The following PEX1 variants were observed in gnomAD, a reference collection of about 807,000 sequenced individuals.
PEX1 encodes peroxisomal biogenesis factor 1, also known as peroxisomal ATPase PEX1.
Under a neutral mutation model 152.5 loss-of-function variants are expected in PEX1, and 97 were observed. The ratio of observed to expected loss-of-function variants is 0.64; its 90% CI spans 0.54 to 0.75. The LOEUF (loss-of-function observed/expected upper bound fraction) is 0.75. PEX1 is among the 30% of genes least tolerant of loss of function. The probability of loss-of-function intolerance (pLI) is 0.00; values close to 1 mark genes in which losing one functional copy is unlikely to be tolerated. For synonymous variants in PEX1, 485 were observed against 531.6 expected, an observed-to-expected ratio of 0.91 and a Z score of 1.21; for missense variants, 1,357 against 1,516.3, an observed-to-expected ratio of 0.89 and a Z score of 1.74.
chr7:92,490,197 GTTTC>G (rs1791217779), intron 21 of PEX1: 1 of 389,566 alleles, frequency 2.6e-6, no homozygotes, highest in Non-Finnish European at 4.6e-6. Flanking sequence ...CCAAGGACAG[GTTTC>G]TTCATTTTCA....
chr7:92,493,775 T>C (rs1006489967), intron 19 of PEX1: 3 of 153,924 alleles, frequency 1.9e-5, no homozygotes, highest in African/African-American at 7.2e-5. Flanking sequence ...AAATAATAGC[T>C]ACATGTAACA....
At chr7:92,512,773 A>G (rs753752701) in intron 6 of PEX1, among the ~76,000 whole-genome samples, 2 of 152,080 alleles carry the variant, frequency 1.3e-5, no homozygotes, top group Non-Finnish European at 2.9e-5. Flanking sequence ...AACAGGCGTG[A>G]GCTACCACGC....
intron 1 of PEX1, among the ~76,000 whole-genome samples, chr7:92,526,116 A>G (rs1038961665): frequency 2.0e-5 from 3 of 152,210 alleles, no homozygotes; most frequent in Admixed American, 6.5e-5. Flanking sequence ...CAGTTTCCTT[A>G]CATGTAAAAG....
chr7:92,527,648 C>T (rs1222377606), intron 1 of PEX1, among the ~76,000 whole-genome samples: 1 of 152,218 alleles, frequency 6.6e-6, no homozygotes, highest in African/African-American at 2.4e-5. Context: ...CTCGTGAGAC[C>T]ATGTGCCTCT....
rs113516104 is a variant in PEX1, at chr7:92,512,120, C to T, written c.1360-417G>A. ...CAGTCTCCACTCACTGCAACCTCTG[C>T]CTCCCGGGTTCAAGCGATTCGCTTG... is the stretch of plus-strand genomic sequence containing the variant. On this transcript the variant is annotated intron_variant, in intron 6 of 23. Coordinates refer to ENST00000248633, the MANE Select transcript of PEX1 (RefSeq NM_000466.3). Among the ~76,000 whole-genome samples the T allele has an allele frequency of 1.3e-4, 19 of 151,626 alleles. 1 individual carries two copies. The highest frequency in any genetic ancestry group is 4.4e-4 in the African/African-American group (18 of 41,318).
chr7:92,500,589 T>G (rs1355713488), intron 15 of PEX1, among the ~76,000 whole-genome samples: 1 of 152,182 alleles, frequency 6.6e-6, no homozygotes, highest in Non-Finnish European at 1.5e-5. Flanking sequence ...CATACCCATG[T>G]TCTCTCACAC....
rs554862469 is a variant in PEX1, at chr7:92,497,930, C to T, written c.2719-1153G>A. On this transcript the variant is annotated intron_variant, in intron 16 of 23. Transcript: ENST00000248633. ...TAAAAATACAAAAATTCACCGGGTG[C>T]GGTGGCAGGCGCCTGTAATCCCAGC... Among the ~76,000 whole-genome samples the T allele has an allele frequency of 2.1e-3, 314 of 150,790 alleles. 1 individual carries two copies. Among genetic ancestry groups the T allele is most frequent in the African/African-American group, 7.4e-3 (303 of 41,088 alleles).
chr7:92,517,727 G>GAAACAAA lies in PEX1; in HGVS notation c.787_788insTTTGTTT (p.Thr263IlefsTer9). ...ATTGATTTCAGTTAAACCCCAAGAT[G>GAAACAAA]TCTCTTGTTTCTTCTCAGATTGAAA... On this transcript the variant is annotated frameshift_variant, in exon 5 of 24. Coordinates refer to ENST00000248633, the MANE Select transcript of PEX1 (RefSeq NM_000466.3). LOFTEE classifies it high-confidence loss of function. 1 of 1,611,122 alleles carries GAAACAAA rather than the reference G, an allele frequency of 6.2e-7. No homozygotes were observed. The highest frequency in any genetic ancestry group is 8.5e-7 in the Non-Finnish European group (1 of 1,178,086).
intron 8 of PEX1, among the ~76,000 whole-genome samples, chr7:92,510,677 G>A (rs528550602): frequency 1.3e-5 from 2 of 152,154 alleles, no homozygotes; most frequent in South Asian, 4.1e-4. Flanking sequence ...TTTAAATCAT[G>A]ATCCATTTAC....
At position 92,511,052 on chromosome 7, in the gene PEX1, TAAAAAG is replaced by T. The variant is rs766638581; in HGVS notation, c.1484-11_1484-6del. ...TCAGAGAAAATTCCTTCAGTCCTATTAAAAAGAAAGTAATAAATGCAGAGTTAGTAC... is the reference window on the plus strand; with the variant it reads ...TCAGAGAAAATTCCTTCAGTCCTATTAAAGTAATAAATGCAGAGTTAGTAC... On this transcript the variant is annotated splice_polypyrimidine_tract_variant and splice_region_variant and intron_variant, in intron 7 of 23. Transcript: ENST00000248633. 3 of 1,309,108 alleles carry T rather than the reference TAAAAAG, an allele frequency of 2.3e-6. No individual in the cohort carries two copies. In the East Asian group the frequency reaches 6.9e-5, roughly 30 times the overall value. The allele number at this position is 1,309,108 out of a possible 1,614,324, so 81.1% of individuals were successfully genotyped here.
chr7:92,494,142 T>A, intron 19 of PEX1, 151 bp downstream of exon 19: 1 of 684,714 alleles, frequency 1.5e-6, no homozygotes, highest in East Asian at 2.8e-5. Flanking sequence ...TAATTCAGAA[T>A]CTTTTTATGC....
chr7:92,517,821 C>T lies in PEX1; in HGVS notation c.694G>A (p.Glu232Lys), dbSNP rs747185889. The change falls in exon 5 of 24, where the codon GAG (glutamate) becomes AAG (lysine). Residue 232 changes from glutamate (E) to lysine (K), a missense_variant. Coordinates refer to ENST00000248633, the MANE Select transcript of PEX1 (RefSeq NM_000466.3). ...GATGAGTCAACTGGAATCTCTGACT[C>T]GTTTTCATTAGATTCAGTGATTCCC... Reference protein sequence around the residue: ...TVGITESNENESEIPVDSSSV... With the variant: ...TVGITESNENKSEIPVDSSSV... 1.5e-5 allele frequency: 23 copies of T among 1,547,984 alleles called. No homozygotes were observed. The highest frequency in any genetic ancestry group is 1.8e-5 in the Non-Finnish European group (21 of 1,152,824).
At chr7:92,526,042 G>A (rs1299193312) in intron 1 of PEX1, among the ~76,000 whole-genome samples, 1 of 152,202 alleles carries the variant, frequency 6.6e-6, no homozygotes, top group Admixed American at 6.5e-5. Flanking sequence ...GTTGGGTGAT[G>A]CAGAGTGAGC....
intron 2 of PEX1, 129 bp downstream of exon 2, chr7:92,521,973 A>G (rs1330364867): frequency 1.2e-6 from 1 of 853,658 alleles, no homozygotes; most frequent in Non-Finnish European, 1.9e-6. Flanking sequence ...ATCCTAGACT[A>G]GTTACATAAT....
chr7:92,507,946 A>T, intron 9 of PEX1: 1 of 152,116 alleles, frequency 6.6e-6, no homozygotes, highest in Non-Finnish European at 1.5e-5. Flanking sequence ...CCCAGCCTCC[A>T]AGCTTTTAAA....
At chr7:92,489,109 ATT>A (rs1350111758) in intron 23 of PEX1, among the ~76,000 whole-genome samples, 182 bp downstream of exon 23, 1 of 152,244 alleles carries the variant, frequency 6.6e-6, no homozygotes, top group Non-Finnish European at 1.5e-5. Flanking sequence ...TGAAAACTCA[ATT>A]TTGACTTCTG....
intron 23 of PEX1, 69 bp from the exon 24 acceptor site, chr7:92,487,610 T>G: frequency 5.9e-6 from 4 of 680,024 alleles, no homozygotes; most frequent in Non-Finnish European, 1.0e-5. Flanking sequence ...TAATGGATTG[T>G]TGGCAAACAC....
At chr7:92,492,843 C>G in intron 20 of PEX1, 110 bp downstream of exon 20, 2 of 836,246 alleles carry the variant, frequency 2.4e-6, no homozygotes, top group South Asian at 2.7e-5. Flanking sequence ...TGTTTCTATA[C>G]AGTTTTACCA....
chr7:92,489,488 AGTT>A, intron 22 of PEX1, 65 bp from the exon 23 acceptor site: 1 of 1,395,576 alleles, frequency 7.2e-7, no homozygotes, highest in East Asian at 2.3e-5. Flanking sequence ...GTGGTAGTCC[AGTT>A]GTTACTTCTT....
Sources: allele counts gnomAD v4.1 joint callset (sites outside exome capture counted in the v4.1 genomes callset), GRCh38; gene constraint gnomAD v4.1.1; transcripts MANE v1.5; gene names NCBI Gene and HGNC (gene_info 2026-07-23, HGNC 2026-07-21).